PARG: variants seen among roughly 807,000 people sequenced by gnomAD.
The protein encoded by PARG is mitochondrial poly(ADP-ribose) glycohydrolase.
In PARG, 35 loss-of-function variants were observed where a neutral mutation model predicts 113.0. The observed-to-expected ratio is 0.31, with a 90% confidence interval of 0.24 to 0.41. The LOEUF is 0.41. PARG is among the 10% of genes least tolerant of loss of function. The pLI, the probability that PARG is intolerant of heterozygous loss-of-function variation, is 1.00. For synonymous variants in PARG, 330 were observed against 409.9 expected (o/e 0.81, Z 2.36); for missense variants, 797 against 1,169.4 (o/e 0.68, Z 4.64).
intron 12 of PARG, 95 bp from the exon 13 acceptor site, chr10:49,857,548 C>A (rs1459861457): frequency 1.6e-6 from 1 of 639,720 alleles, no homozygotes; most frequent in African/African-American, 1.9e-5. Flanking sequence ...CTTTTCCTCT[C>A]CCATGAAAAT....
chr10:49,910,136 A>G lies in PARG; in HGVS notation c.1737+5781T>C, dbSNP rs1837086180. On this transcript the variant is annotated intron_variant, in intron 7 of 17. Coordinates refer to ENST00000616448, the MANE Select transcript of PARG (RefSeq NM_003631.5). ...TTAAATTAAGTAGCACATAAATAAA[A>G]ATGCAAGTTCAATACTAATAGAATT... is the stretch of plus-strand genomic sequence containing the variant. Among the ~76,000 whole-genome samples the G allele has an allele frequency of 2.6e-5, 4 of 152,148 alleles. 1 individual carries two copies. The South Asian group carries it at 8.3e-4, about 31-fold the overall frequency.
At chr10:49,924,801 G>T (rs1381641701) in intron 4 of PARG, among the ~76,000 whole-genome samples, 8 of 152,100 alleles carry the variant, frequency 5.3e-5, no homozygotes, top group African/African-American at 1.4e-4. Context: ...ACCCCAAAAT[G>T]TATTTATTTG....
intron 13 of PARG, among the ~76,000 whole-genome samples, chr10:49,848,460 A>T (rs550409207): frequency 0.011 from 1,653 of 146,146 alleles, 27 homozygotes; most frequent in African/African-American, 0.038. Flanking sequence ...CCAAGATTTA[A>T]ACTCAATACT....
At chr10:49,876,824 C>T (rs1188421571) in intron 9 of PARG, among the ~76,000 whole-genome samples, 11 of 150,686 alleles carry the variant, frequency 7.3e-5, no homozygotes, top group Non-Finnish European at 1.6e-4. Flanking sequence ...TTGAACTAAA[C>T]ATTGACTAAA....
Position 49,922,325 on chromosome 10 carries a change from AAAC to A in PARG, c.1662+8_1662+10del, listed in dbSNP as rs1325820251. 1 of 1,592,094 alleles carries A rather than the reference AAAC, an allele frequency of 6.3e-7. No individual in the cohort carries two copies. Among genetic ancestry groups the A allele is most frequent in the Non-Finnish European group, 8.6e-7 (1 of 1,169,542 alleles). ...GCCCATAAACAGGCAAGCATGGTAA[AAAC>A]AACATACCTTCAAGTTTTGGGGTCG... On this transcript the variant is annotated splice_region_variant and intron_variant, in intron 6 of 17. Transcript: ENST00000616448.
At chr10:49,926,851 T>C (rs187457031) in intron 4 of PARG, among the ~76,000 whole-genome samples, 3,482 of 152,316 alleles carry the variant, frequency 0.023, 43 homozygotes, top group South Asian at 0.075. Flanking sequence ...TTGTAAGCCA[T>C]TGGGGAGGTC....
intron 3 of PARG, 95 bp from the exon 4 acceptor site, chr10:49,932,378 A>C: frequency 6.5e-6 from 5 of 763,438 alleles, no homozygotes; most frequent in Non-Finnish European, 9.5e-6. Context: ...GTTATTGTTT[A>C]AAGTATGCCA....
At chr10:49,911,282 C>CA (rs1210324104) in intron 7 of PARG, among the ~76,000 whole-genome samples, 5,599 of 87,888 alleles carry the variant, frequency 0.064, 218 homozygotes, top group African/African-American at 0.17. Flanking sequence ...GACTGTGTCT[C>CA]AAAAAAAAAA....
chr10:49,897,784 G>T (rs1447296253), intron 7 of PARG, among the ~76,000 whole-genome samples: 3 of 152,166 alleles, frequency 2.0e-5, no homozygotes, highest in African/African-American at 7.2e-5. Flanking sequence ...AAAGCAGGTG[G>T]ATCACTTGAG....
Position 49,890,265 on chromosome 10 carries a change from C to T in PARG, c.1738-4970G>A, listed in dbSNP as rs368904788. Among the ~76,000 whole-genome samples, 11 of 151,500 alleles carry T rather than the reference C, an allele frequency of 7.3e-5. No individual in the cohort carries two copies. The East Asian group carries it at 1.7e-3, about 24-fold the overall frequency. ...GCAAGTGTTTTGATCTGTGCGTGTGCGCGTGTGTGTGTAGCAACTTTTTAT... is the reference window on the plus strand; with the variant it reads ...GCAAGTGTTTTGATCTGTGCGTGTGTGCGTGTGTGTGTAGCAACTTTTTAT... On this transcript the variant is annotated intron_variant, in intron 7 of 17. Coordinates refer to ENST00000616448, the MANE Select transcript of PARG (RefSeq NM_003631.5).
chr10:49,905,628 A>G (rs1848548843), intron 7 of PARG, among the ~76,000 whole-genome samples: 1 of 152,236 alleles, frequency 6.6e-6, no homozygotes, highest in Non-Finnish European at 1.5e-5. Context: ...TCCCAGAAGG[A>G]GGATATAATA....
intron 4 of PARG, among the ~76,000 whole-genome samples, chr10:49,929,656 C>T (rs1340999929): frequency 2.0e-5 from 3 of 152,032 alleles, no homozygotes; most frequent in Non-Finnish European, 4.4e-5. Flanking sequence ...GGAGAAACCC[C>T]GTCTCTACTA....
At chr10:49,841,113 C>T (rs782183720) in intron 15 of PARG, among the ~76,000 whole-genome samples, 32 of 151,942 alleles carry the variant, frequency 2.1e-4, no homozygotes, top group Admixed American at 1.1e-3. Context: ...ATTAGCTGGG[C>T]GTGGTGGCAG....
At chr10:49,937,145 T>G (rs1337309408) in intron 1 of PARG, among the ~76,000 whole-genome samples, 1 of 152,246 alleles carries the variant, frequency 6.6e-6, no homozygotes, top group Non-Finnish European at 1.5e-5. Flanking sequence ...TCTCTATTTA[T>G]TTTCTTTATA....
intron 7 of PARG, among the ~76,000 whole-genome samples, chr10:49,906,979 C>CT (rs1267901826): frequency 6.6e-6 from 1 of 151,908 alleles, no homozygotes; most frequent in African/African-American, 2.4e-5. Context: ...CATATGGTTA[C>CT]TTAAGGCAGT....
At chr10:49,821,837 C>T (rs1330024170) in intron 16 of PARG, among the ~76,000 whole-genome samples, 3 of 151,990 alleles carry the variant, frequency 2.0e-5, no homozygotes, top group African/African-American at 7.2e-5. Flanking sequence ...AAATAAATAA[C>T]ATAACCACAT....
rs1382336729 is a variant in PARG, at chr10:49,896,195, C to G, written c.1738-10900G>C. 3.3e-5 allele frequency among the ~76,000 whole-genome samples: 5 copies of G among 152,298 alleles called. No homozygotes were observed. In the East Asian group the frequency reaches 9.6e-4, roughly 29 times the overall value. On this transcript the variant is annotated intron_variant, in intron 7 of 17. Coordinates refer to ENST00000616448, the MANE Select transcript of PARG (RefSeq NM_003631.5). ...TCTTTGGGAAGAGTATTTCATATTT[C>G]ACCATGAAGCATGATTTTAGTAGTA... is the stretch of plus-strand genomic sequence containing the variant.
At chr10:49,834,500 A>C (rs1378125642) in intron 15 of PARG, among the ~76,000 whole-genome samples, 5 of 152,166 alleles carry the variant, frequency 3.3e-5, no homozygotes, top group African/African-American at 7.2e-5. Context: ...TTAGAAGCAA[A>C]ATCTAGTACA....
chr10:49,847,099 TTAATAAA>T (rs1420952226), intron 13 of PARG, among the ~76,000 whole-genome samples: 2 of 150,996 alleles, frequency 1.3e-5, no homozygotes, highest in Non-Finnish European at 2.9e-5. Context: ...TGCATATATA[TTAATAAA>T]TAATAAATAT....
Sources: gnomAD v4.1 joint callset for allele counts (sites outside exome capture counted in the v4.1 genomes callset) on GRCh38, gnomAD v4.1.1 for gene constraint, MANE v1.5 for transcripts, NCBI Gene and HGNC (gene_info 2026-07-23, HGNC 2026-07-21) for gene names.